Variants in ARHGEF28 observed in about 807,000 individuals in gnomAD.
The protein encoded by ARHGEF28 is Rho guanine nucleotide exchange factor 28.
ARHGEF28 carries 152 observed loss-of-function variants against 206.6 expected under a neutral mutation model. The ratio of observed to expected loss-of-function variants is 0.74; its 90% CI spans 0.64 to 0.84. The LOEUF is 0.84. ARHGEF28 is among the 40% of genes least tolerant of loss of function. The pLI, the probability that ARHGEF28 is intolerant of heterozygous loss-of-function variation, is 0.00. For synonymous variants in ARHGEF28, 763 were observed against 776.4 expected (o/e 0.98, Z 0.29); for missense variants, 2,028 against 2,073.2 (o/e 0.98, Z 0.42).
At chr5:73,762,182 G>T (rs1003232907) in intron 4 of ARHGEF28, among the ~76,000 whole-genome samples, 3 of 151,918 alleles carry the variant, frequency 2.0e-5, no homozygotes, top group African/African-American at 7.2e-5. Flanking sequence ...GAGGCTGAGT[G>T]TGGTGGCTCA....
intron 2 of ARHGEF28, among the ~76,000 whole-genome samples, chr5:73,728,122 C>G (rs968526034): frequency 2.0e-5 from 3 of 152,196 alleles, no homozygotes; most frequent in Admixed American, 6.5e-5. Flanking sequence ...AGACTTGATT[C>G]ATCCTGACTG....
intron 35 of ARHGEF28, among the ~76,000 whole-genome samples, chr5:73,912,804 A>C (rs879587846): frequency 1.6e-4 from 24 of 152,234 alleles, no homozygotes; most frequent in Admixed American, 7.2e-4. Flanking sequence ...AGCAGATTGC[A>C]GAATTCTTTT....
In ARHGEF28 at chr5:73,773,979, C is replaced by G. The variant is rs779018374; in HGVS notation, c.600C>G (p.Ala200=). 26 of 1,606,928 alleles carry G rather than the reference C, an allele frequency of 1.6e-5. No individual in the cohort carries two copies. The highest frequency in any genetic ancestry group is 2.2e-5 in the Non-Finnish European group (26 of 1,176,520). ...TGGCTTTACCCAACGAAGAGGGTGC[C>G]ACACCATTAGACTTAGCTTTACGTG... The part of the protein sequence containing the change: ...QALALPNEEG[A]TPLDLALREG... The change falls in exon 5 of 36, where the codon GCC becomes GCG. Residue 200 remains alanine (A), a synonymous_variant. Transcript: ENST00000513042.
chr5:73,711,389 G>A (rs1749236755), intron 2 of ARHGEF28, among the ~76,000 whole-genome samples: 1 of 151,944 alleles, frequency 6.6e-6, no homozygotes, highest in South Asian at 2.1e-4. Flanking sequence ...GATTACAATT[G>A]TGTTATATCT....
intron 1 of ARHGEF28, among the ~76,000 whole-genome samples, chr5:73,635,382 A>G (rs1490495147): frequency 6.6e-6 from 1 of 152,126 alleles, no homozygotes. Context: ...TTTATCATTT[A>G]TGTATGAGTG....
intron 17 of ARHGEF28, 115 bp from the exon 18 acceptor site, chr5:73,865,850 A>G (rs1437387099): frequency 6.2e-6 from 5 of 803,112 alleles, no homozygotes; most frequent in African/African-American, 1.8e-5. Context: ...CCTCTTGGAA[A>G]TAAAATAACA....
intron 1 of ARHGEF28, among the ~76,000 whole-genome samples, chr5:73,650,923 C>T (rs1744783146): frequency 6.6e-6 from 1 of 152,160 alleles, no homozygotes; most frequent in African/African-American, 2.4e-5. Context: ...TTATAAATAC[C>T]TTCTGATGTA....
At chr5:73,860,727 A>G (rs1338879320) in intron 16 of ARHGEF28, among the ~76,000 whole-genome samples, 1 of 152,212 alleles carries the variant, frequency 6.6e-6, no homozygotes, top group African/African-American at 2.4e-5. Flanking sequence ...TAATCTTTGT[A>G]AAACACCACT....
At chr5:73,839,387 G>A (rs965960421) in intron 10 of ARHGEF28, among the ~76,000 whole-genome samples, 2 of 152,118 alleles carry the variant, frequency 1.3e-5, no homozygotes, top group African/African-American at 4.8e-5. Context: ...GATGATTTAG[G>A]ATTCTAACAT....
chr5:73,901,149 TC>T (rs1762245391), intron 30 of ARHGEF28, 34 bp from the exon 31 acceptor site: 1 of 1,586,078 alleles, frequency 6.3e-7, no homozygotes, highest in African/African-American at 1.3e-5. Context: ...TTTGACGCTG[TC>T]CTTTTTGTTT....
chr5:73,882,078 A>T (rs1353554514), intron 22 of ARHGEF28, among the ~76,000 whole-genome samples: 1 of 147,730 alleles, frequency 6.8e-6, no homozygotes, highest in Non-Finnish European at 1.5e-5. Flanking sequence ...CAAATGAGTG[A>T]TTTTTTTTGG....
At chr5:73,675,067 CAGTT>C (rs1369040229) in intron 1 of ARHGEF28, among the ~76,000 whole-genome samples, 1 of 152,150 alleles carries the variant, frequency 6.6e-6, no homozygotes, top group Non-Finnish European at 1.5e-5. Context: ...GATTTATAGT[CAGTT>C]GGTCAGAGCA....
rs529947604 is a variant in ARHGEF28, at chr5:73,847,343, T to G, written c.1635+868T>G. 3.9e-5 allele frequency among the ~76,000 whole-genome samples: 6 copies of G among 152,264 alleles called. No individual in the cohort carries two copies. In the South Asian group the frequency reaches 1.2e-3, roughly 32 times the overall value. ...TACATAAGTAGTGCTTTTATTTAAT[T>G]TTATTTTTTGAGTAGATGAGATTCT... On this transcript the variant is annotated intron_variant, in intron 12 of 35. Coordinates refer to ENST00000513042, the MANE Select transcript of ARHGEF28 (RefSeq NM_001177693.2).
chr5:73,693,142 C>G (rs987161177), intron 2 of ARHGEF28, among the ~76,000 whole-genome samples: 2 of 152,064 alleles, frequency 1.3e-5, no homozygotes, highest in Non-Finnish European at 2.9e-5. Flanking sequence ...TTTTTTTTGA[C>G]TCAGAAAATT....
At chr5:73,638,170 T>C (rs561100712) in intron 1 of ARHGEF28, among the ~76,000 whole-genome samples, 32 of 152,358 alleles carry the variant, frequency 2.1e-4, no homozygotes, top group Middle Eastern at 3.4e-3. Context: ...TTTAAAACCC[T>C]TTCAAAGTTG....
In ARHGEF28 at chr5:73,864,804, CCCT is replaced by C; in HGVS notation, c.2048-12_2048-10del. On this transcript the variant is annotated splice_polypyrimidine_tract_variant and intron_variant, in intron 16 of 35. Transcript: ENST00000513042. Reference sequence around the variant, plus strand: ...TAAGATGGATGCTTTTGTATCTTTTCCCTTTATTTCAGACTGTAATGCAAATGT... The same window carrying C: ...TAAGATGGATGCTTTTGTATCTTTTCTTATTTCAGACTGTAATGCAAATGT... 6.2e-7 allele frequency: 1 copy of C among 1,609,058 alleles called. No individual in the cohort carries two copies. The highest frequency in any genetic ancestry group is 8.5e-7 in the Non-Finnish European group (1 of 1,177,392).
intron 9 of ARHGEF28, among the ~76,000 whole-genome samples, chr5:73,814,864 A>G (rs189328341): frequency 6.1e-4 from 93 of 152,304 alleles, no homozygotes; most frequent in African/African-American, 2.2e-3. Flanking sequence ...CCCAGGAATA[A>G]GATGCATTTA....
At chr5:73,870,638 A>G (rs1282648329) in intron 21 of ARHGEF28, among the ~76,000 whole-genome samples, 3 of 152,184 alleles carry the variant, frequency 2.0e-5, no homozygotes, top group African/African-American at 7.2e-5. Context: ...GTTTGGCTGC[A>G]TACACCAGCC....
At chr5:73,885,477 T>C (rs549252614) in intron 24 of ARHGEF28, among the ~76,000 whole-genome samples, 1 of 147,782 alleles carries the variant, frequency 6.8e-6, no homozygotes, top group South Asian at 2.1e-4. Flanking sequence ...GGATTTAATT[T>C]TTTTTTTTTT....
Sources: gnomAD v4.1 joint callset for allele counts (sites outside exome capture counted in the v4.1 genomes callset) on GRCh38, gnomAD v4.1.1 for gene constraint, MANE v1.5 for transcripts, NCBI Gene and HGNC (gene_info 2026-07-23, HGNC 2026-07-21) for gene names.